Variants in FSTL5 observed in about 807,000 individuals in gnomAD.
FSTL5 encodes the protein follistatin like 5.
FSTL5 carries 62 observed loss-of-function variants against 89.1 expected under a neutral mutation model. The observed-to-expected ratio is 0.70, with a 90% CI of 0.57 to 0.86. The LOEUF (loss-of-function observed/expected upper bound fraction) is 0.86, where lower values mean the gene tolerates loss of function less well. Ranked by LOEUF, FSTL5 falls within the 40% of genes least tolerant of loss-of-function variation. FSTL5 has a pLI of 0.00. For missense variants in FSTL5, 1,057 were observed against 1,001.6 expected (o/e 1.06, Z -0.75); for synonymous variants, 383 against 346.2 (o/e 1.11, Z -1.18).
chr4:161,770,895 G>A (rs1455151351), intron 5 of FSTL5, among the ~76,000 whole-genome samples: 1 of 151,962 alleles, frequency 6.6e-6, no homozygotes, highest in Non-Finnish European at 1.5e-5. Flanking sequence ...TCAATGTTTA[G>A]TTGTCTCTAG....
chr4:162,111,522 C>T, intron 1 of FSTL5, 110 bp from the exon 2 acceptor site: 2 of 818,058 alleles, frequency 2.4e-6, no homozygotes, highest in East Asian at 2.8e-5. Flanking sequence ...CTAATCAAAA[C>T]TTGCTGGTAG....
In FSTL5 at chr4:162,153,614, T is replaced by C. The variant is rs912931165; in HGVS notation, c.-17+10001A>G. On this transcript the variant is annotated intron_variant, in intron 1 of 15. Transcript: ENST00000306100. ...ATATATATGTGTGTGTATATATATGTATATTATATATGTATATAATAATAT... is the reference window on the plus strand; with the variant it reads ...ATATATATGTGTGTGTATATATATGCATATTATATATGTATATAATAATAT... Among the ~76,000 whole-genome samples, 7 of 142,846 alleles carry C rather than the reference T, an allele frequency of 4.9e-5. No individual in the cohort carries two copies. The Admixed American group carries it at 5.2e-4, about 11-fold the overall frequency. The allele number at this position is 142,846 out of a possible 152,430, so 93.7% of individuals were successfully genotyped here.
intron 4 of FSTL5, among the ~76,000 whole-genome samples, chr4:161,904,644 AT>A (rs1227576245): frequency 6.7e-6 from 1 of 149,222 alleles, no homozygotes; most frequent in Non-Finnish European, 1.5e-5. Flanking sequence ...CAGAAAAAAA[AT>A]CACAATAATC....
chr4:161,484,922 T>A (rs367826824), intron 12 of FSTL5, among the ~76,000 whole-genome samples: 1 of 152,170 alleles, frequency 6.6e-6, no homozygotes, highest in African/African-American at 2.4e-5. Context: ...CAGGCCAAAT[T>A]TGGCCCACTG....
rs574172260 is a variant in FSTL5 at position 161,826,600 on chromosome 4, AT to A, written c.410-50527del. On this transcript the variant is annotated intron_variant, in intron 4 of 15. Coordinates refer to ENST00000306100, the MANE Select transcript of FSTL5 (RefSeq NM_020116.5). ...AGGTGCATACTTATTTAGGATTGTC[AT>A]TTTGTTGTTGTTGTTGGACAAGTCC... Among the ~76,000 whole-genome samples, 289 of 152,028 alleles carry A rather than the reference AT, an allele frequency of 1.9e-3. 1 individual carries two copies. Among genetic ancestry groups the A allele is most frequent in the African/African-American group, 6.5e-3 (270 of 41,464 alleles).
At chr4:161,779,804 T>TGTATATATAC (rs1741583285) in intron 4 of FSTL5, among the ~76,000 whole-genome samples, 3 of 57,556 alleles carry the variant, frequency 5.2e-5, no homozygotes, top group African/African-American at 1.7e-4. Context: ...TATATATATA[T>TGTATATATAC]ATATATGTAT....
intron 15 of FSTL5, among the ~76,000 whole-genome samples, chr4:161,425,002 C>T (rs1280986668): frequency 1.3e-5 from 2 of 152,130 alleles, no homozygotes; most frequent in Non-Finnish European, 2.9e-5. Flanking sequence ...TTTGCCATTG[C>T]CCAGTGTGAG....
At chr4:161,486,328 C>G (rs757137106) in intron 12 of FSTL5, among the ~76,000 whole-genome samples, 1 of 151,928 alleles carries the variant, frequency 6.6e-6, no homozygotes, top group Non-Finnish European at 1.5e-5. Flanking sequence ...AAATAGGGAG[C>G]CTTGGAGATT....
chr4:161,844,644 A>G (rs12500056), intron 4 of FSTL5, among the ~76,000 whole-genome samples: 36,864 of 152,026 alleles, frequency 0.24, 4,650 homozygotes, highest in Non-Finnish European at 0.26. Flanking sequence ...TTGCAGGGAC[A>G]TGGATGAAGC....
chr4:161,474,302 A>G (rs1288568940), intron 13 of FSTL5, among the ~76,000 whole-genome samples: 1 of 152,178 alleles, frequency 6.6e-6, no homozygotes, highest in Non-Finnish European at 1.5e-5. Flanking sequence ...TAAACAAATA[A>G]TTATTTTAAA....
chr4:161,588,997 G>GTTTT (rs879331171), intron 7 of FSTL5, among the ~76,000 whole-genome samples: 2 of 130,954 alleles, frequency 1.5e-5, no homozygotes, highest in Admixed American at 8.0e-5. Flanking sequence ...TATCCCTAAT[G>GTTTT]TTTTTTTTTT....
At chr4:162,083,224 G>T (rs1213180629) in intron 2 of FSTL5, among the ~76,000 whole-genome samples, 1 of 151,750 alleles carries the variant, frequency 6.6e-6, no homozygotes, top group African/African-American at 2.4e-5. Flanking sequence ...TTGGAAACAT[G>T]CAGAGAACAT....
chr4:161,509,879 A>G (rs1373809306), intron 11 of FSTL5, among the ~76,000 whole-genome samples: 3 of 152,184 alleles, frequency 2.0e-5, no homozygotes, highest in Admixed American at 6.5e-5. Context: ...TAATAACTAA[A>G]GAACTGATAA....
intron 6 of FSTL5, among the ~76,000 whole-genome samples, chr4:161,721,255 G>A (rs1461873059): frequency 1.5e-5 from 2 of 132,070 alleles, no homozygotes; most frequent in Admixed American, 9.4e-5. Flanking sequence ...TCCGCAGTCC[G>A]GCCTGGGCGA....
chr4:161,988,037 G>A (rs543932364), intron 3 of FSTL5, among the ~76,000 whole-genome samples: 8 of 149,982 alleles, frequency 5.3e-5, no homozygotes, highest in African/African-American at 1.5e-4. Context: ...TATTGTGAGA[G>A]AATAAATGAT....
chr4:161,687,293 G>C lies in FSTL5; in HGVS notation c.728-30799C>G, dbSNP rs137983517. Among the ~76,000 whole-genome samples, 1,237 of 152,122 alleles carry C rather than the reference G, an allele frequency of 8.1e-3. 38 individuals are homozygous for C. The South Asian group carries it at 0.12, about 15-fold the overall frequency. ...ATAAAATGCAATTCACTTAACATAT[G>C]TGCTTCAGGATACAGTCCATTGGTG... is the stretch of plus-strand genomic sequence containing the variant. On this transcript the variant is annotated intron_variant, in intron 6 of 15. Coordinates refer to ENST00000306100, the MANE Select transcript of FSTL5 (RefSeq NM_020116.5).
rs146268146 is a variant in FSTL5 at position 161,588,151 on chromosome 4, G to A, written c.895-576C>T. Among the ~76,000 whole-genome samples, 547 of 152,212 alleles carry A rather than the reference G, an allele frequency of 3.6e-3. 3 individuals are homozygous for A. Among genetic ancestry groups the A allele is most frequent in the African/African-American group, 0.013 (522 of 41,522 alleles). On this transcript the variant is annotated intron_variant, in intron 7 of 15. Coordinates refer to ENST00000306100, the MANE Select transcript of FSTL5 (RefSeq NM_020116.5). ...AACGTGCCACTGCACTCCAGCCTGG[G>A]TGACAGAGTGAGACTCTGTCTCTAA...
rs920178397 is a variant in FSTL5 at position 161,529,372 on chromosome 4, G to A, written c.1312+8794C>T. 3.5e-5 allele frequency among the ~76,000 whole-genome samples: 5 copies of A among 142,792 alleles called. 2 individuals carry two copies. The highest frequency in any genetic ancestry group is 1.5e-4 in the Admixed American group (2 of 13,240). 93.7% of individuals were successfully genotyped at this position (142,792 alleles called of 152,430 possible). ...CTTATAGAACAAGTTACCTCACAGGGTGTGAAATGACATTGGCCAAATTGA... is the reference window on the plus strand; with the variant it reads ...CTTATAGAACAAGTTACCTCACAGGATGTGAAATGACATTGGCCAAATTGA... On this transcript the variant is annotated intron_variant, in intron 10 of 15. Transcript: ENST00000306100.
intron 8 of FSTL5, among the ~76,000 whole-genome samples, chr4:161,545,666 T>C (rs1731979448): frequency 6.6e-6 from 1 of 152,012 alleles, no homozygotes; most frequent in Non-Finnish European, 1.5e-5. Flanking sequence ...TCTGGCATAG[T>C]AACTCTTTCT....
Sources: gnomAD v4.1 joint callset for allele counts (sites outside exome capture counted in the v4.1 genomes callset) on GRCh38, gnomAD v4.1.1 for gene constraint, MANE v1.5 for transcripts, NCBI Gene and HGNC (gene_info 2026-07-23, HGNC 2026-07-21) for gene names.